RELL1: variants seen among roughly 807,000 people sequenced by gnomAD.
RELL1 encodes RELT like 1.
In RELL1, 10 loss-of-function variants were observed where a neutral mutation model predicts 23.0. The observed-to-expected ratio is 0.43, with a 90% confidence interval of 0.27 to 0.74. RELL1 has a LOEUF of 0.74. Among genes scored for constraint, RELL1 ranks in the 30% least tolerant of loss-of-function variants. The probability of loss-of-function intolerance (pLI) is 0.19; values close to 1 mark genes in which losing one functional copy is unlikely to be tolerated. For synonymous variants in RELL1, 146 were observed against 146.8 expected, an observed-to-expected ratio of 0.99 and a Z score of 0.04; for missense variants, 315 against 364.4, an observed-to-expected ratio of 0.86 and a Z score of 1.10.
chr4:37,659,370 A>G lies in RELL1; in HGVS notation c.89-9870T>C, dbSNP rs1721237709. Among the ~76,000 whole-genome samples, 2 of 152,230 alleles carry G rather than the reference A, an allele frequency of 1.3e-5. 1 individual carries two copies. Among genetic ancestry groups the G allele is most frequent in the Admixed American group, 1.3e-4 (2 of 15,288 alleles). On this transcript the variant is annotated intron_variant, in intron 1 of 6. Transcript: ENST00000454158. ...AGGCATGAAGCATGGCTGGAAGTCA[A>G]CCTAAAAAGTCAAAAGCAATTTTCT...
chr4:37,686,024 C>T (rs1457665510), intron 1 of RELL1, among the ~76,000 whole-genome samples, 176 bp downstream of exon 1: 1 of 152,224 alleles, frequency 6.6e-6, no homozygotes, highest in African/African-American at 2.4e-5. Context: ...GGAGCCGTTG[C>T]CACGCACCGC....
At chr4:37,678,454 C>T (rs1482311996) in intron 1 of RELL1, among the ~76,000 whole-genome samples, 2 of 152,222 alleles carry the variant, frequency 1.3e-5, no homozygotes, top group Admixed American at 1.3e-4. Context: ...AATCCCCTGC[C>T]TCCCAAGAGA....
rs1004549888 is a variant in RELL1, at chr4:37,669,499, CCT to C, written c.88+16699_88+16700del. 3.9e-5 allele frequency among the ~76,000 whole-genome samples: 6 copies of C among 151,960 alleles called. 1 individual carries two copies. Among genetic ancestry groups the C allele is most frequent in the Admixed American group, 3.9e-4 (6 of 15,262 alleles). On this transcript the variant is annotated intron_variant, in intron 1 of 6. Coordinates refer to ENST00000454158, the MANE Select transcript of RELL1 (RefSeq NM_001085400.2). ...CACCCCTACTGGGAAGTGAGGAGCCCCTCTGCCCGGCCACCACCCTGTCTGGG... is the reference window on the plus strand; with the variant it reads ...CACCCCTACTGGGAAGTGAGGAGCCCCTGCCCGGCCACCACCCTGTCTGGG...
downstream of RELL1, chr4:37,590,163 C>T (rs148457977): frequency 2.6e-4 from 424 of 1,614,086 alleles, 1 homozygote; most frequent in East Asian, 1.5e-3. Flanking sequence ...TAGATGAAGA[C>T]GACACTGATA....
intron 1 of RELL1, among the ~76,000 whole-genome samples, chr4:37,676,296 T>C (rs927132569): frequency 2.0e-5 from 3 of 152,216 alleles, no homozygotes; most frequent in African/African-American, 7.2e-5. Context: ...TCTCAGAGCC[T>C]TGCACACTGT....
chr4:37,640,464 C>G (rs575187084), intron 3 of RELL1, among the ~76,000 whole-genome samples: 4 of 152,302 alleles, frequency 2.6e-5, no homozygotes, highest in Admixed American at 6.5e-5. Context: ...TTTGGATATA[C>G]AATCCCATAT....
At chr4:37,635,234 C>T (rs1171980046) in intron 4 of RELL1, 111 bp from the exon 5 acceptor site, 11 of 832,414 alleles carry the variant, frequency 1.3e-5, no homozygotes, top group South Asian at 4.9e-5. Context: ...AAAAAAAAAG[C>T]GTCTTCCAAT....
intron 6 of RELL1, among the ~76,000 whole-genome samples, chr4:37,614,619 C>G (rs570318743): frequency 6.7e-6 from 1 of 148,398 alleles, no homozygotes; most frequent in African/African-American, 2.5e-5. Flanking sequence ...AACATTCTAG[C>G]AGAGGGGGAA....
chr4:37,605,793 G>GAGAGAGAGAA (rs1269670059), downstream of RELL1, among the ~76,000 whole-genome samples: 6 of 90,400 alleles, frequency 6.6e-5, 1 homozygote, highest in African/African-American at 1.9e-4. Context: ...GAGAAAGAAA[G>GAGAGAGAGAA]AGAAAGAAAG....
downstream of RELL1, chr4:37,590,066 G>A: frequency 6.3e-7 from 1 of 1,585,640 alleles, no homozygotes; most frequent in Non-Finnish European, 8.6e-7. Flanking sequence ...GACCTGACTG[G>A]TTTTCATTGT....
intron 1 of RELL1, among the ~76,000 whole-genome samples, chr4:37,664,545 G>A (rs1316086148): frequency 6.6e-6 from 1 of 151,948 alleles, no homozygotes; most frequent in Non-Finnish European, 1.5e-5. Flanking sequence ...AACATAATTT[G>A]TACTAGCAAT....
chr4:37,596,727 TATATATATA>T (rs1431783918), intron 6 of RELL1, among the ~76,000 whole-genome samples: 5 of 17,046 alleles, frequency 2.9e-4, no homozygotes, highest in East Asian at 1.4e-3. Context: ...TATATATATA[TATATATATA>T]TTTTTTTTTT....
At chr4:37,633,876 C>A (rs998676535) in intron 5 of RELL1, among the ~76,000 whole-genome samples, 1 of 152,122 alleles carries the variant, frequency 6.6e-6, no homozygotes, top group Non-Finnish European at 1.5e-5. Context: ...GGTGCCAGGA[C>A]TTGAAGGAGG....
chr4:37,614,377 A>G (rs542510415), intron 6 of RELL1, among the ~76,000 whole-genome samples: 242 of 152,336 alleles, frequency 1.6e-3, no homozygotes, highest in Non-Finnish European at 2.8e-3. Context: ...GGAGACAGAC[A>G]GAAAGAAAGA....
At chr4:37,628,789 G>A (rs61174577) in intron 6 of RELL1, among the ~76,000 whole-genome samples, 8,141 of 152,284 alleles carry the variant, frequency 0.053, 246 homozygotes, top group Non-Finnish European at 0.072. Flanking sequence ...AAATTGTGAA[G>A]CTCAGATTTG....
At chr4:37,682,279 C>T (rs1722251660) in intron 1 of RELL1, among the ~76,000 whole-genome samples, 1 of 152,200 alleles carries the variant, frequency 6.6e-6, no homozygotes, top group Non-Finnish European at 1.5e-5. Context: ...TTATAAATCA[C>T]ACCAGAATTA....
At chr4:37,608,340 T>A (rs1719285172), downstream of RELL1, among the ~76,000 whole-genome samples, 1 of 152,120 alleles carries the variant, frequency 6.6e-6, no homozygotes, top group African/African-American at 2.4e-5. Context: ...ACCAAATAGT[T>A]AAGTTGTGAA....
intron 3 of RELL1, among the ~76,000 whole-genome samples, chr4:37,639,883 G>T (rs762506087): frequency 7.2e-5 from 11 of 152,208 alleles, no homozygotes; most frequent in Non-Finnish European, 1.5e-4. Context: ...AACTGCTGCT[G>T]TAAGTTTTAA....
chr4:37,652,055 C>G (rs1009734511), intron 1 of RELL1, among the ~76,000 whole-genome samples: 17 of 152,100 alleles, frequency 1.1e-4, no homozygotes, highest in African/African-American at 4.1e-4. Context: ...ACAAAGTGAC[C>G]GAGAAGAAAA....
Sources: gnomAD v4.1 joint callset for allele counts (sites outside exome capture counted in the v4.1 genomes callset) on GRCh38, gnomAD v4.1.1 for gene constraint, MANE v1.5 for transcripts, NCBI Gene and HGNC (gene_info 2026-07-23, HGNC 2026-07-21) for gene names.